The following GRIN2A variants were observed in gnomAD, a reference collection of about 807,000 sequenced individuals.
GRIN2A encodes glutamate ionotropic receptor NMDA type subunit 2A.
In GRIN2A, 22 loss-of-function variants were observed where a neutral mutation model predicts 113.4. That is an observed-to-expected ratio of 0.19 (90% CI 0.14 to 0.28). The LOEUF (loss-of-function observed/expected upper bound fraction) is 0.28, where lower values mean the gene tolerates loss of function less well. Among genes scored for constraint, GRIN2A ranks in the 10% least tolerant of loss-of-function variants. The pLI is 1.00. For missense variants in GRIN2A, 1,502 were observed against 1,887.0 expected, an observed-to-expected ratio of 0.80 and a Z score of 3.78; for synonymous variants, 827 against 738.4, an observed-to-expected ratio of 1.12 and a Z score of -1.94.
At chr16:10,103,316 G>A (rs576895951) in intron 2 of GRIN2A, among the ~76,000 whole-genome samples, 15 of 152,304 alleles carry the variant, frequency 9.8e-5, no homozygotes, top group African/African-American at 3.6e-4. Flanking sequence ...TGGGGATGGG[G>A]GAGTGGCTCT....
At chr16:9,770,930 G>A (rs1263206030) in intron 11 of GRIN2A, among the ~76,000 whole-genome samples, 1 of 152,122 alleles carries the variant, frequency 6.6e-6, no homozygotes, top group African/African-American at 2.4e-5. Context: ...GTTCATTTGG[G>A]TAAATACCTA....
intron 2 of GRIN2A, among the ~76,000 whole-genome samples, chr16:10,005,591 G>C (rs1490442296): frequency 2.0e-5 from 3 of 152,126 alleles, no homozygotes; most frequent in African/African-American, 7.2e-5. Flanking sequence ...ACTTCCATCT[G>C]AATACTGCCA....
chr16:9,860,445 CAAAAAAAAAAAA>C (rs35715098), intron 4 of GRIN2A, among the ~76,000 whole-genome samples: 3 of 57,952 alleles, frequency 5.2e-5, no homozygotes, highest in African/African-American at 6.1e-5. Context: ...AAGAGTCTCT[CAAAAAAAAAAAA>C]AAAAAAAAAA....
chr16:9,953,147 G>A (rs572776025), intron 2 of GRIN2A, among the ~76,000 whole-genome samples: 1 of 152,280 alleles, frequency 6.6e-6, no homozygotes, highest in African/African-American at 2.4e-5. Flanking sequence ...ATCTGAACTA[G>A]GATTGCTGCA....
intron 2 of GRIN2A, among the ~76,000 whole-genome samples, chr16:10,046,623 ACAG>A (rs147031979): frequency 0.12 from 18,053 of 152,168 alleles, 1,677 homozygotes; most frequent in East Asian, 0.36. Flanking sequence ...TCTGAGGCAA[ACAG>A]CTAAGTTTGA....
At chr16:9,834,019 G>T in intron 8 of GRIN2A, 86 bp downstream of exon 8, 2 of 1,326,364 alleles carry the variant, frequency 1.5e-6, no homozygotes, top group Non-Finnish European at 2.2e-6. Flanking sequence ...GCCTGGTCTA[G>T]AGTAATGTGT....
At chr16:10,146,195 G>A (rs1050608852) in intron 2 of GRIN2A, among the ~76,000 whole-genome samples, 56 of 152,178 alleles carry the variant, frequency 3.7e-4, no homozygotes, top group African/African-American at 1.2e-3. Context: ...TCGGCTCACT[G>A]CAACCTCCAC....
chr16:10,104,336 G>A (rs77488268), intron 2 of GRIN2A, among the ~76,000 whole-genome samples: 6 of 152,154 alleles, frequency 3.9e-5, no homozygotes, highest in Non-Finnish European at 5.9e-5. Context: ...AGGGCGAGGG[G>A]TGTGAGGGAA....
intron 2 of GRIN2A, among the ~76,000 whole-genome samples, chr16:10,143,251 C>T (rs1226058084): frequency 6.6e-6 from 1 of 152,150 alleles, no homozygotes; most frequent in Non-Finnish European, 1.5e-5. Context: ...AAGTGGACAA[C>T]GCCTTCCGCT....
At chr16:10,013,930 G>A (rs1329558350) in intron 2 of GRIN2A, among the ~76,000 whole-genome samples, 2 of 152,120 alleles carry the variant, frequency 1.3e-5, no homozygotes, top group Non-Finnish European at 1.5e-5. Flanking sequence ...CTTCCTCAAC[G>A]AAGCCGTCTC....
chr16:9,993,130 G>A (rs2046155340), intron 2 of GRIN2A, among the ~76,000 whole-genome samples: 1 of 152,120 alleles, frequency 6.6e-6, no homozygotes, highest in African/African-American at 2.4e-5. Flanking sequence ...CTCCTCGGGA[G>A]GCTGAGGCCC....
chr16:9,944,815 T>G (rs541275377), intron 2 of GRIN2A, among the ~76,000 whole-genome samples: 1 of 152,180 alleles, frequency 6.6e-6, no homozygotes, highest in Non-Finnish European at 1.5e-5. Flanking sequence ...CTCTATGTAC[T>G]TAAGCAGACC....
At chr16:10,012,952 T>A (rs705999) in intron 2 of GRIN2A, among the ~76,000 whole-genome samples, 5,902 of 152,250 alleles carry the variant, frequency 0.039, 402 homozygotes, top group African/African-American at 0.13. Context: ...ACACCATGTA[T>A]CAACTGCAAA....
chr16:10,016,293 G>T (rs189819179), intron 2 of GRIN2A, among the ~76,000 whole-genome samples: 83 of 152,218 alleles, frequency 5.5e-4, no homozygotes, highest in Admixed American at 7.2e-4. Flanking sequence ...TTCCCATGTA[G>T]CCTGTGGACT....
At chr16:10,109,889 TA>T (rs905038038) in intron 2 of GRIN2A, among the ~76,000 whole-genome samples, 13 of 143,090 alleles carry the variant, frequency 9.1e-5, no homozygotes, top group East Asian at 2.5e-4. Flanking sequence ...ACAAAAAAAA[TA>T]AAATTTTTTT....
chr16:9,987,136 G>A (rs575406705), intron 2 of GRIN2A, among the ~76,000 whole-genome samples: 1 of 152,148 alleles, frequency 6.6e-6, no homozygotes, highest in Admixed American at 6.5e-5. Flanking sequence ...ATACTTACTG[G>A]TATGGCTGTT....
chr16:9,997,780 G>T (rs560756278), intron 2 of GRIN2A, among the ~76,000 whole-genome samples: 13 of 152,164 alleles, frequency 8.5e-5, no homozygotes, highest in Non-Finnish European at 1.6e-4. Context: ...TCATGATAGT[G>T]AATAAGTCTC....
At chr16:9,766,834 T>G (rs1900948822) in intron 12 of GRIN2A, among the ~76,000 whole-genome samples, 1 of 152,184 alleles carries the variant, frequency 6.6e-6, no homozygotes, top group East Asian at 1.9e-4. Context: ...AGGCCAAAGT[T>G]CAAATTCTAG....
chr16:10,035,912 C>CG (rs1249195087), intron 2 of GRIN2A, among the ~76,000 whole-genome samples: 7 of 151,996 alleles, frequency 4.6e-5, no homozygotes, highest in African/African-American at 1.7e-4. Flanking sequence ...TTAGCAGAGA[C>CG]GGGGTTTCAC....
Sources: gnomAD v4.1 joint callset for allele counts (sites outside exome capture counted in the v4.1 genomes callset) on GRCh38, gnomAD v4.1.1 for gene constraint, MANE v1.5 for transcripts, NCBI Gene and HGNC (gene_info 2026-07-23, HGNC 2026-07-21) for gene names.